NOL4: variants seen among roughly 807,000 people sequenced by gnomAD.
NOL4 encodes cancer/testis antigen 125.
In NOL4, 17 loss-of-function variants were observed where a neutral mutation model predicts 75.9. The observed-to-expected ratio is 0.22, with a 90% CI of 0.15 to 0.34. The LOEUF (loss-of-function observed/expected upper bound fraction) is 0.34, where lower values mean the gene tolerates loss of function less well. NOL4 is among the 10% of genes least tolerant of loss of function. The probability of loss-of-function intolerance (pLI) is 1.00; values close to 1 mark genes in which losing one functional copy is unlikely to be tolerated. For synonymous variants in NOL4, 292 were observed against 289.9 expected, an observed-to-expected ratio of 1.01 and a Z score of -0.07; for missense variants, 614 against 793.5, an observed-to-expected ratio of 0.77 and a Z score of 2.72.
At chr18:34,005,485 G>T (rs1363576666) in intron 6 of NOL4, among the ~76,000 whole-genome samples, 1 of 151,794 alleles carries the variant, frequency 6.6e-6, no homozygotes. Context: ...TTCTTTCTGG[G>T]CCTCATCCTC....
rs529189846 is a variant in NOL4, at chr18:33,925,823, A to G, written c.1542+17242T>C. 2.0e-5 allele frequency among the ~76,000 whole-genome samples: 3 copies of G among 152,314 alleles called. No homozygotes were observed. In the South Asian group the frequency reaches 6.2e-4, roughly 32 times the overall value. On this transcript the variant is annotated intron_variant, in intron 9 of 10. Transcript: ENST00000261592. ...GAAGGAAGGAAGGAAACAAGAAAGG[A>G]AGGAAAATCTATGCTGAAAGGAGAA...
intron 8 of NOL4, among the ~76,000 whole-genome samples, chr18:33,953,590 T>A (rs2069407328): frequency 6.6e-6 from 1 of 152,184 alleles, no homozygotes; most frequent in Non-Finnish European, 1.5e-5. Context: ...TCATTCTACA[T>A]TTTTGAGCAA....
chr18:34,061,740 TATA>T (rs1281743341), intron 5 of NOL4, among the ~76,000 whole-genome samples: 1 of 152,160 alleles, frequency 6.6e-6, no homozygotes, highest in Non-Finnish European at 1.5e-5. Context: ...GTCAGTTTAT[TATA>T]ATATTTACTG....
At chr18:34,050,738 AAT>A (rs1304033880) in intron 5 of NOL4, among the ~76,000 whole-genome samples, 2 of 152,132 alleles carry the variant, frequency 1.3e-5, no homozygotes, top group Non-Finnish European at 2.9e-5. Flanking sequence ...AAATTAAAAC[AAT>A]ATGTTTGTCT....
At chr18:34,016,701 C>T (rs899996830) in intron 6 of NOL4, among the ~76,000 whole-genome samples, 2 of 152,056 alleles carry the variant, frequency 1.3e-5, no homozygotes, top group African/African-American at 4.8e-5. Flanking sequence ...AGCACCCTTC[C>T]TCTGTTCTTT....
rs541324687 is a variant in NOL4 at position 33,990,385 on chromosome 18, C to T, written c.1056+28933G>A. Among the ~76,000 whole-genome samples, 38 of 152,146 alleles carry T rather than the reference C, an allele frequency of 2.5e-4. No homozygotes were observed. In the South Asian group the frequency reaches 7.9e-3, roughly 32 times the overall value. ...CTTCCAGCTGTACCCTCTGAAACCA[C>T]CCCCTTCCATAGCAGACACATCTCT... On this transcript the variant is annotated intron_variant, in intron 6 of 10. Coordinates refer to ENST00000261592, the MANE Select transcript of NOL4 (RefSeq NM_003787.5).
chr18:34,020,840 C>T (rs1472480321), intron 5 of NOL4, among the ~76,000 whole-genome samples: 2 of 151,872 alleles, frequency 1.3e-5, no homozygotes, highest in African/African-American at 4.8e-5. Flanking sequence ...AAATTTGCTA[C>T]TGATTTTTAA....
intron 9 of NOL4, among the ~76,000 whole-genome samples, chr18:33,885,959 A>G (rs1309138879): frequency 1.3e-5 from 2 of 152,226 alleles, no homozygotes; most frequent in Admixed American, 1.3e-4. Context: ...AAAATGTGGT[A>G]CATATACACA....
At chr18:34,125,646 CTTTA>C (rs1188339598) in intron 2 of NOL4, among the ~76,000 whole-genome samples, 2 of 152,014 alleles carry the variant, frequency 1.3e-5, no homozygotes, top group African/African-American at 4.8e-5. Flanking sequence ...TAAATATTTT[CTTTA>C]TTAATGTTCG....
rs187187331 is a variant in NOL4 at position 34,184,543 on chromosome 18, G to A, written c.264+38447C>T. ...AAGTGGGAGTGGTTATGATGGAAAA[G>A]GAGTCAAGGAAGGGACTGAGTTCTG... On this transcript the variant is annotated intron_variant, in intron 1 of 10. Transcript: ENST00000261592. 3.0e-3 allele frequency among the ~76,000 whole-genome samples: 461 copies of A among 152,158 alleles called. 5 individuals carry two copies. The highest frequency in any genetic ancestry group is 0.011 in the African/African-American group (447 of 41,532).
At chr18:33,874,979 C>A (rs562883332) in intron 10 of NOL4, among the ~76,000 whole-genome samples, 1 of 151,998 alleles carries the variant, frequency 6.6e-6, no homozygotes, top group African/African-American at 2.4e-5. Flanking sequence ...CTAGAAATTG[C>A]CATACAAATG....
intron 4 of NOL4, among the ~76,000 whole-genome samples, chr18:34,098,628 T>C (rs1224980054): frequency 3.3e-5 from 5 of 152,140 alleles, no homozygotes; most frequent in African/African-American, 1.2e-4. Context: ...GGGTGGTACA[T>C]AGCAAAAGAA....
intron 6 of NOL4, 150 bp from the exon 7 acceptor site, chr18:33,958,568 T>G (rs2069846382): frequency 1.8e-6 from 1 of 564,140 alleles, no homozygotes; most frequent in Non-Finnish European, 2.8e-6. Context: ...AAATAAAAAT[T>G]AATTCAAATT....
intron 1 of NOL4, among the ~76,000 whole-genome samples, chr18:34,166,004 A>C (rs1456734517): frequency 6.6e-6 from 1 of 152,100 alleles, no homozygotes; most frequent in Non-Finnish European, 1.5e-5. Flanking sequence ...AAATTTACAA[A>C]ATATGTCTTT....
At chr18:33,989,190 C>CAAAAAAAAAA (rs55924436) in intron 6 of NOL4, among the ~76,000 whole-genome samples, 1 of 65,086 alleles carries the variant, frequency 1.5e-5, no homozygotes, top group Non-Finnish European at 2.7e-5. Flanking sequence ...CCCATCTCTA[C>CAAAAAAAAAA]AAAAAAAAAA....
In NOL4 at chr18:33,957,404, C is replaced by T. The variant is rs1315303927; in HGVS notation, c.1350G>A (p.Glu450=). Residue 450 remains glutamate, a synonymous_variant, in exon 8 of 11, where the codon GAG becomes GAA. Coordinates refer to ENST00000261592, the MANE Select transcript of NOL4 (RefSeq NM_003787.5). The stretch of plus-strand genomic sequence containing the variant: ...TACGTTTTCTGGCACGCTCTTGATA[C>T]TCAGGGAATTGTCGCCTGCATGAGT... ...IIDSCRRQFP[E]YQERARKRIR... is the part of the protein sequence containing the mutation. 1 of 1,613,642 alleles carries T rather than the reference C, an allele frequency of 6.2e-7. No homozygotes were observed. Among genetic ancestry groups the T allele is most frequent in the Non-Finnish European group, 8.5e-7 (1 of 1,179,824 alleles).
At chr18:33,924,038 G>A (rs943949905) in intron 9 of NOL4, among the ~76,000 whole-genome samples, 3 of 152,070 alleles carry the variant, frequency 2.0e-5, no homozygotes, top group Non-Finnish European at 4.4e-5. Context: ...GAGAAAGATG[G>A]CCACTACTAA....
intron 6 of NOL4, among the ~76,000 whole-genome samples, chr18:33,979,704 TGTGA>T (rs1346366670): frequency 3.3e-5 from 5 of 152,028 alleles, no homozygotes; most frequent in African/African-American, 9.7e-5. Context: ...CAGAAAATTA[TGTGA>T]GTATTTACAC....
intron 1 of NOL4, among the ~76,000 whole-genome samples, chr18:34,145,937 T>C (rs909677861): frequency 7.9e-5 from 12 of 152,238 alleles, no homozygotes; most frequent in African/African-American, 2.9e-4. Context: ...CATATATATT[T>C]ATATAAAATA....
Sources: allele counts gnomAD v4.1 joint callset (sites outside exome capture counted in the v4.1 genomes callset), GRCh38; gene constraint gnomAD v4.1.1; transcripts MANE v1.5; gene names NCBI Gene and HGNC (gene_info 2026-07-23, HGNC 2026-07-21).